URGCP: variants seen among roughly 807,000 people sequenced by gnomAD.
URGCP encodes the protein upregulator of cell proliferation, also known as up-regulator of cell proliferation.
Under a neutral mutation model 24.6 loss-of-function variants are expected in URGCP, and 13 were observed. That is an observed-to-expected ratio of 0.53 (90% CI 0.34 to 0.84). The LOEUF is 0.84. Among genes scored for constraint, URGCP ranks in the 40% least tolerant of loss-of-function variants. The probability of loss-of-function intolerance (pLI) is 0.01; values close to 1 mark genes in which losing one functional copy is unlikely to be tolerated. For synonymous variants in URGCP, 444 were observed against 487.2 expected, an observed-to-expected ratio of 0.91 and a Z score of 1.17; for missense variants, 899 against 1,194.3, an observed-to-expected ratio of 0.75 and a Z score of 3.64.
In URGCP at chr7:43,876,939, G is replaced by A; in HGVS notation, c.2524C>T (p.Pro842Ser). Reference sequence around the variant, plus strand: ...GCTGCAGCCCTGCTCAGGTCACCAGGTGGATCCAGGAGCTGTCTCTTGTCT... The same window carrying A: ...GCTGCAGCCCTGCTCAGGTCACCAGATGGATCCAGGAGCTGTCTCTTGTCT... The part of the protein sequence containing the change: ...PRDKRQLLDP[P>S]GDLSRAAAQM... The change falls in exon 6 of 6, where the codon CCT (proline) becomes TCT (serine). Residue 842 changes from proline to serine, a missense_variant. By Grantham distance (74) the Pro-to-Ser change is moderately conservative. Transcript: ENST00000453200. The A allele has an allele frequency of 1.2e-6, 2 of 1,614,100 alleles. No homozygotes were observed. Among genetic ancestry groups the A allele is most frequent in the South Asian group, 2.2e-5 (2 of 91,086 alleles).
At chr7:43,905,196 A>AT (rs545882432) in intron 1 of URGCP, among the ~76,000 whole-genome samples, 242 of 144,938 alleles carry the variant, frequency 1.7e-3, no homozygotes, top group African/African-American at 4.0e-3. Context: ...ATGCACCACT[A>AT]TTTTTTTTTT....
chr7:43,877,199 C>A lies in URGCP; in HGVS notation c.2264G>T (p.Gly755Val), dbSNP rs1233986210. Residue 755 changes from glycine to valine, a missense_variant, in exon 6 of 6, where the codon GGC becomes GTC. Coordinates refer to ENST00000453200, the MANE Select transcript of URGCP (RefSeq NM_001077663.3). ...TGACGTCAAGGCCCCACCTATCAAG[C>A]CCCCGGAGTCTATCACCAGGATGTG... ...CDHILVIDSG[G>V]LIGGALTSAG... 7 of 1,614,132 alleles carry A rather than the reference C, an allele frequency of 4.3e-6. No individual in the cohort carries two copies. The highest frequency in any genetic ancestry group is 5.1e-6 in the Non-Finnish European group (6 of 1,180,006).
intron 1 of URGCP, 126 bp downstream of exon 1, chr7:43,906,436 G>T: frequency 1.0e-6 from 1 of 1,004,932 alleles, no homozygotes; most frequent in Non-Finnish European, 1.2e-6. Context: ...CCTGGCGGGC[G>T]GGGGCGCCCC....
chr7:43,886,879 G>A (rs1327800439), intron 3 of URGCP, among the ~76,000 whole-genome samples: 1 of 152,102 alleles, frequency 6.6e-6, no homozygotes, highest in Non-Finnish European at 1.5e-5. Flanking sequence ...ATTTACAAAG[G>A]GTGGCGTTAC....
intron 1 of URGCP, chr7:43,920,148 C>T (rs1461885669): frequency 4.6e-6 from 3 of 652,244 alleles, no homozygotes; most frequent in Non-Finnish European, 8.0e-6. Flanking sequence ...GATCAGGGAC[C>T]TCACACATCT....
chr7:43,908,276 C>A (rs1173560709), upstream of URGCP, among the ~76,000 whole-genome samples: 2 of 152,158 alleles, frequency 1.3e-5, no homozygotes, highest in Admixed American at 6.5e-5. Context: ...CAGGGTTTCC[C>A]CATGTTGGTC....
At chr7:43,904,506 TA>T (rs1237190081) in intron 1 of URGCP, among the ~76,000 whole-genome samples, 1 of 152,144 alleles carries the variant, frequency 6.6e-6, no homozygotes, top group Non-Finnish European at 1.5e-5. Context: ...TGCAGTAGCT[TA>T]AATGTTTGCT....
chr7:43,926,627 G>T, upstream of URGCP: 2 of 1,466,598 alleles, frequency 1.4e-6, no homozygotes, highest in South Asian at 2.7e-5. Flanking sequence ...CGCCGCTGCC[G>T]TGAAGTGAAA....
chr7:43,923,410 C>T (rs1312686186), intron 1 of URGCP, among the ~76,000 whole-genome samples: 4 of 152,004 alleles, frequency 2.6e-5, no homozygotes, highest in African/African-American at 9.7e-5. Context: ...CCTCAACCTC[C>T]CGAATAGCTG....
chr7:43,914,477 C>A (rs1424929059), intron 1 of URGCP, among the ~76,000 whole-genome samples: 1 of 152,140 alleles, frequency 6.6e-6, no homozygotes, highest in African/African-American at 2.4e-5. Context: ...TGTACTCCAG[C>A]CTGGGTGGCA....
intron 1 of URGCP, chr7:43,918,817 C>T (rs1037917886): frequency 1.6e-6 from 2 of 1,228,152 alleles, no homozygotes; most frequent in East Asian, 2.3e-5. Flanking sequence ...GAGGAGTTCG[C>T]TACTGAGGGC....
In URGCP at chr7:43,898,746, A is replaced by AAAATAAAT. The variant is rs71563928; in HGVS notation, c.14+7808_14+7815dup. 6.7e-3 allele frequency among the ~76,000 whole-genome samples: 969 copies of AAAATAAAT among 143,912 alleles called. 3 individuals are homozygous for AAAATAAAT. The highest frequency in any genetic ancestry group is 7.8e-3 in the African/African-American group (294 of 37,462). The allele number at this position is 143,912 out of a possible 152,430, so 94.4% of individuals were successfully genotyped here. ...GACAGAGCAAGAAGACCCTGTCTCA[A>AAAATAAAT]AAATAAATAAATAAATAAATAAATA... On this transcript the variant is annotated intron_variant, in intron 1 of 5. Transcript: ENST00000453200.
Position 43,913,855 on chromosome 7 carries a change from C to T in URGCP, c.-116+12277G>A, listed in dbSNP as rs573988712. ...CTGGGACTACAGGTGCACATCACCA[C>T]GCCCAGCTAATTTTTGTATTTTTAG... On this transcript the variant is annotated intron_variant, in intron 1 of 5. Coordinates refer to the URGCP transcript ENST00000426198. 1.4e-4 allele frequency among the ~76,000 whole-genome samples: 21 copies of T among 152,140 alleles called. No homozygotes were observed. In the East Asian group the frequency reaches 1.5e-3, roughly 11 times the overall value.
chr7:43,881,664 G>A lies in URGCP; in HGVS notation c.197C>T (p.Pro66Leu), dbSNP rs2095854089. 1 of 1,613,978 alleles carries A rather than the reference G, an allele frequency of 6.2e-7. No homozygotes were observed. Among genetic ancestry groups the A allele is most frequent in the Non-Finnish European group, 8.5e-7 (1 of 1,180,020 alleles). Residue 66 changes from proline to leucine, a missense_variant, in exon 5 of 6, where the codon CCA becomes CTA. Coordinates refer to ENST00000453200, the MANE Select transcript of URGCP (RefSeq NM_001077663.3). ...AAGGCAGAGAAAATGCTTACCTGTT[G>A]GAAAATCATTGTCCTGAGCCTCATT... The part of the protein sequence containing the change: ...GTNEAQDNDF[P>L]TVERSRLQEM...
chr7:43,879,528 T>C, intron 5 of URGCP: 1 of 393,542 alleles, frequency 2.5e-6, no homozygotes, highest in Non-Finnish European at 4.5e-6. Flanking sequence ...ATAAATAAGC[T>C]ACATTTAACA....
chr7:43,904,918 T>C (rs2132711970), intron 1 of URGCP, among the ~76,000 whole-genome samples: 1 of 152,328 alleles, frequency 6.6e-6, no homozygotes, highest in East Asian at 1.9e-4. Flanking sequence ...ACCACTGTCA[T>C]ATAACGTGGT....
upstream of URGCP, chr7:43,906,786 T>C (rs1204829074): frequency 3.1e-6 from 1 of 320,084 alleles, no homozygotes; most frequent in Non-Finnish European, 5.1e-6. Flanking sequence ...GCGGCCCAGG[T>C]CAGCCCGCAG....
At chr7:43,898,074 A>G (rs1479962938) in intron 1 of URGCP, among the ~76,000 whole-genome samples, 3 of 152,120 alleles carry the variant, frequency 2.0e-5, no homozygotes, top group African/African-American at 4.8e-5. Context: ...AATAAAGGCA[A>G]TCCTTCAACG....
At chr7:43,893,385 G>A (rs115017126) in intron 1 of URGCP, among the ~76,000 whole-genome samples, 2,566 of 152,278 alleles carry the variant, frequency 0.017, 72 homozygotes, top group African/African-American at 0.058. Flanking sequence ...AGCTGGGCAT[G>A]GTGCATGCAC....
Sources: allele counts gnomAD v4.1 joint callset (sites outside exome capture counted in the v4.1 genomes callset), GRCh38; gene constraint gnomAD v4.1.1; transcripts MANE v1.5; gene names NCBI Gene and HGNC (gene_info 2026-07-23, HGNC 2026-07-21).